The following PINX1 variants were observed in gnomAD, a reference collection of about 807,000 sequenced individuals.
The protein encoded by PINX1 is PIN2/TERF1-interacting telomerase inhibitor 1.
Under a neutral mutation model 25.4 loss-of-function variants are expected in PINX1, and 34 were observed. The ratio of observed to expected loss-of-function variants is 1.34; its 90% confidence interval spans 1.02 to 1.78. The LOEUF (loss-of-function observed/expected upper bound fraction) is 1.78, where lower values mean the gene tolerates loss of function less well. PINX1 is among the 40% of genes most tolerant of loss of function. PINX1 has a pLI of 0.00. For synonymous variants in PINX1, 197 were observed against 147.7 expected (o/e 1.33, Z -2.42); for missense variants, 592 against 404.9 (o/e 1.46, Z -3.97).
intron 6 of PINX1, among the ~76,000 whole-genome samples, chr8:10,793,064 A>G (rs1040489078): frequency 6.6e-6 from 1 of 152,092 alleles, no homozygotes; most frequent in Non-Finnish European, 1.5e-5. Flanking sequence ...CCTCGCTAAC[A>G]TCTACTGAGT....
At chr8:10,827,236 A>T (rs1288733833) in intron 4 of PINX1, among the ~76,000 whole-genome samples, 1 of 152,214 alleles carries the variant, frequency 6.6e-6, no homozygotes, top group African/African-American at 2.4e-5. Flanking sequence ...TGATCACCTA[A>T]ATACAGATCA....
chr8:10,807,318 C>T (rs1261628734), intron 6 of PINX1, among the ~76,000 whole-genome samples: 2 of 18,722 alleles, frequency 1.1e-4, no homozygotes, highest in African/African-American at 3.7e-4. Flanking sequence ...TCAAGAAAAT[C>T]CCCCCCCCAC....
intron 6 of PINX1, among the ~76,000 whole-genome samples, chr8:10,775,038 C>T (rs13273767): frequency 0.071 from 10,820 of 152,142 alleles, 507 homozygotes; most frequent in African/African-American, 0.13. Flanking sequence ...AAACCAACTA[C>T]AAAGCCAATT....
intron 6 of PINX1, among the ~76,000 whole-genome samples, chr8:10,814,719 C>CT (rs1314814185): frequency 5.3e-5 from 8 of 152,270 alleles, no homozygotes; most frequent in African/African-American, 1.9e-4. Flanking sequence ...AACCATGATG[C>CT]TATACAAACC....
chr8:10,824,032 A>C (rs1371425778), intron 5 of PINX1, among the ~76,000 whole-genome samples: 1 of 152,230 alleles, frequency 6.6e-6, no homozygotes, highest in Non-Finnish European at 1.5e-5. Flanking sequence ...AATGAGTTAC[A>C]GTCGTTATCA....
intron 5 of PINX1, among the ~76,000 whole-genome samples, chr8:10,824,869 G>C (rs1274387719): frequency 6.6e-6 from 1 of 152,174 alleles, no homozygotes; most frequent in Non-Finnish European, 1.5e-5. Flanking sequence ...GCTATTTCAG[G>C]GACTGGGTAT....
intron 3 of PINX1, among the ~76,000 whole-genome samples, chr8:10,832,121 C>T (rs189163107): frequency 4.0e-5 from 6 of 151,044 alleles, no homozygotes; most frequent in Admixed American, 1.3e-4. Flanking sequence ...AAGAACCATG[C>T]GGGACAAAAA....
intron 6 of PINX1, among the ~76,000 whole-genome samples, chr8:10,798,601 G>A (rs1029021602): frequency 2.0e-5 from 3 of 152,214 alleles, no homozygotes; most frequent in Admixed American, 6.5e-5. Context: ...AAGCTGCACC[G>A]ATGGCCGTTT....
At chr8:10,774,284 C>CTT (rs537602535) in intron 6 of PINX1, among the ~76,000 whole-genome samples, 3 of 144,498 alleles carry the variant, frequency 2.1e-5, no homozygotes, top group South Asian at 4.4e-4. Context: ...AGAATAAGGT[C>CTT]TTTTTTTTTT....
intron 6 of PINX1, among the ~76,000 whole-genome samples, chr8:10,804,739 G>C (rs919211596): frequency 7.1e-6 from 1 of 141,580 alleles, no homozygotes; most frequent in Non-Finnish European, 1.6e-5. Flanking sequence ...GCAGGCCCTG[G>C]TAATGTCAAA....
chr8:10,826,664 C>A (rs1798057005), intron 4 of PINX1, among the ~76,000 whole-genome samples: 1 of 152,214 alleles, frequency 6.6e-6, no homozygotes, highest in South Asian at 2.1e-4. Flanking sequence ...TGGAATACCA[C>A]TCCACAGTAA....
chr8:10,778,873 T>C (rs984681186), intron 6 of PINX1, among the ~76,000 whole-genome samples: 67 of 152,240 alleles, frequency 4.4e-4, no homozygotes, highest in African/African-American at 1.6e-3. Flanking sequence ...GGTGGGCTTT[T>C]ACCCATGTAA....
chr8:10,765,913 C>G lies in PINX1; in HGVS notation c.475G>C (p.Asp159His). The G allele has an allele frequency of 1.2e-6, 2 of 1,612,812 alleles. No individual in the cohort carries two copies. The highest frequency in any genetic ancestry group is 1.7e-6 in the Non-Finnish European group (2 of 1,179,452). ...KRQSKKTPEG[D>H]ASPSTPEENE... is the part of the protein sequence containing the mutation. Reference sequence around the variant, plus strand: ...TCCTCTGGAGTGGAGGGACTGGCATCGCCCTATGGTGGGCAGAAGAGTTAA... The same window carrying G: ...TCCTCTGGAGTGGAGGGACTGGCATGGCCCTATGGTGGGCAGAAGAGTTAA... Residue 159 changes from aspartate (D) to histidine (H), a missense_variant, in exon 7 of 7, where the codon GAT becomes CAT. Coordinates refer to ENST00000314787, the MANE Select transcript of PINX1 (RefSeq NM_017884.6).
At chr8:10,793,732 A>G (rs900645425) in intron 6 of PINX1, among the ~76,000 whole-genome samples, 2 of 152,252 alleles carry the variant, frequency 1.3e-5, no homozygotes, top group Admixed American at 6.5e-5. Flanking sequence ...CTTGAAAAAC[A>G]AAAGTATAGT....
chr8:10,831,683 G>C lies in PINX1; in HGVS notation c.283C>G (p.His95Asp), dbSNP rs1433843688. The C allele has an allele frequency of 1.5e-5, 24 of 1,601,764 alleles. No homozygotes were observed. The highest frequency in any genetic ancestry group is 1.9e-5 in the Non-Finnish European group (22 of 1,171,990). The change falls in exon 4 of 7, where the codon CAT (histidine) becomes GAT (aspartate). Residue 95 changes from histidine to aspartate, a missense_variant. His to Asp is a moderately conservative substitution (Grantham distance 81). Coordinates refer to ENST00000314787, the MANE Select transcript of PINX1 (RefSeq NM_017884.6). ...NQLLAELNTC[H>D]GQETTDSSDK... ...TCCCTACCTGTGGTTTCCTGCCCATGGCAAGTGTTCAGTTCGGCCAGAAGC... is the reference window on the plus strand; with the variant it reads ...TCCCTACCTGTGGTTTCCTGCCCATCGCAAGTGTTCAGTTCGGCCAGAAGC...
intron 5 of PINX1, chr8:10,822,253 C>G (rs1586196322): frequency 6.8e-6 from 1 of 146,606 alleles, no homozygotes; most frequent in East Asian, 1.9e-4. Context: ...TGATGGAAAG[C>G]TTATAAACAC....
At chr8:10,774,377 G>T (rs1167029613) in intron 6 of PINX1, among the ~76,000 whole-genome samples, 2 of 152,142 alleles carry the variant, frequency 1.3e-5, no homozygotes, top group East Asian at 3.9e-4. Flanking sequence ...CGCCTCCAGG[G>T]TTCAAGTGAT....
intron 6 of PINX1, among the ~76,000 whole-genome samples, chr8:10,801,861 G>A (rs1196212613): frequency 1.3e-5 from 2 of 152,150 alleles, no homozygotes; most frequent in Non-Finnish European, 2.9e-5. Context: ...AACCTCCATC[G>A]CTGACCACGG....
chr8:10,773,416 T>C (rs1489625493), intron 6 of PINX1, among the ~76,000 whole-genome samples: 1 of 152,206 alleles, frequency 6.6e-6, no homozygotes, highest in Non-Finnish European at 1.5e-5. Context: ...GTTTAAAAAG[T>C]GATGTGACAT....
Sources: gnomAD v4.1 joint callset for allele counts (sites outside exome capture counted in the v4.1 genomes callset) on GRCh38, gnomAD v4.1.1 for gene constraint, MANE v1.5 for transcripts, NCBI Gene and HGNC (gene_info 2026-07-23, HGNC 2026-07-21) for gene names.